The following PIBF1 variants were observed in gnomAD, a reference collection of about 807,000 sequenced individuals.
PIBF1 encodes the protein progesterone-induced-blocking factor 1.
PIBF1 carries 90 observed loss-of-function variants against 112.5 expected under a neutral mutation model. The ratio of observed to expected loss-of-function variants is 0.80; its 90% confidence interval spans 0.67 to 0.95. PIBF1 has a LOEUF of 0.95. Ranked by LOEUF, PIBF1 falls within the 40% of genes least tolerant of loss-of-function variation. The pLI, the probability that PIBF1 is intolerant of heterozygous loss-of-function variation, is 0.00. For missense variants in PIBF1, 915 were observed against 852.3 expected (o/e 1.07, Z -0.92); for synonymous variants, 301 against 288.6 (o/e 1.04, Z -0.44).
chr13:72,916,042 A>G (rs548648675), intron 12 of PIBF1, among the ~76,000 whole-genome samples: 1 of 152,272 alleles, frequency 6.6e-6, no homozygotes, highest in East Asian at 1.9e-4. Context: ...TATTAAAACT[A>G]TAGCCTTTGA....
chr13:73,005,957 T>C (rs909485175), intron 17 of PIBF1, among the ~76,000 whole-genome samples: 1 of 150,806 alleles, frequency 6.6e-6, no homozygotes, highest in African/African-American at 2.4e-5. Context: ...TCTTGCTCTG[T>C]CGCCCAGGCT....
intron 10 of PIBF1, among the ~76,000 whole-genome samples, chr13:72,867,645 T>C (rs964289068): frequency 8.5e-5 from 13 of 152,180 alleles, no homozygotes; most frequent in Admixed American, 7.9e-4. Context: ...ATATTCTAAT[T>C]GTTAGCAACT....
rs749279831 is a variant in PIBF1 at position 72,965,344 on chromosome 13, A to G, written c.1904A>G (p.Gln635Arg). The G allele has an allele frequency of 1.9e-6, 3 of 1,610,886 alleles. No homozygotes were observed. Among genetic ancestry groups the G allele is most frequent in the South Asian group, 1.1e-5 (1 of 90,888 alleles). ...PYRYLIESVR[Q>R]RDSKIDSLTE... The stretch of plus-strand genomic sequence containing the variant: ...AGGTATCTCATTGAATCAGTGCGTC[A>G]GAGAGATTCTAAGATTGATTCACTG... Residue 635 changes from glutamine to arginine, a missense_variant, in exon 15 of 18, where the codon CAG becomes CGG. Transcript: ENST00000326291.
At chr13:72,822,010 AGTT>A in intron 6 of PIBF1, 28 bp downstream of exon 6, 1 of 1,576,024 alleles carries the variant, frequency 6.3e-7, no homozygotes, top group Non-Finnish European at 8.6e-7. Context: ...CTGCAGTAGT[AGTT>A]CTCTATTTTT....
rs1230565422 is a variant in PIBF1 at position 72,954,188 on chromosome 13, TC to T, written c.1834-11083del. Among the ~76,000 whole-genome samples the T allele has an allele frequency of 5.3e-5, 8 of 152,186 alleles. No individual in the cohort carries two copies. In the East Asian group the frequency reaches 1.6e-3, roughly 30 times the overall value. On this transcript the variant is annotated intron_variant, in intron 14 of 17. Transcript: ENST00000326291. ...GCTCCCATGCACTTGGCACAGCAAGTCCCATACCCTCAGTATTCTGCTAACA... is the reference window on the plus strand; with the variant it reads ...GCTCCCATGCACTTGGCACAGCAAGTCCATACCCTCAGTATTCTGCTAACA...
At chr13:72,874,537 A>C (rs2039313386) in intron 10 of PIBF1, among the ~76,000 whole-genome samples, 1 of 152,236 alleles carries the variant, frequency 6.6e-6, no homozygotes, top group Admixed American at 6.5e-5. Flanking sequence ...AAAACTAATG[A>C]CACAAATCCA....
intron 16 of PIBF1, among the ~76,000 whole-genome samples, chr13:72,996,073 C>CA (rs1303404430): frequency 1.6e-3 from 45 of 27,390 alleles, no homozygotes; most frequent in African/African-American, 3.8e-3. Flanking sequence ...TTCTTCATAA[C>CA]AAAAAAAAAA....
Position 72,828,285 on chromosome 13 carries a change from T to C in PIBF1, c.1097+371T>C, listed in dbSNP as rs573320845. ...ATGTTTGCTTTTTTTTTTTTTTTTT[T>C]ATAAATTATACTTTACGTTCTGGGG... On this transcript the variant is annotated intron_variant, in intron 8 of 17. Transcript: ENST00000326291. 6.8e-4 allele frequency among the ~76,000 whole-genome samples: 103 copies of C among 151,460 alleles called. 1 individual carries two copies. Among genetic ancestry groups the C allele is most frequent in the African/African-American group, 2.5e-3 (103 of 41,334 alleles).
At chr13:72,814,677 C>A (rs867270821) in intron 5 of PIBF1, among the ~76,000 whole-genome samples, 2 of 151,576 alleles carry the variant, frequency 1.3e-5, no homozygotes, top group African/African-American at 4.8e-5. Flanking sequence ...TATCAAAATT[C>A]TTAGACACAT....
In PIBF1 at chr13:72,835,370, TA is replaced by T. The variant is rs200683940; in HGVS notation, c.1223+15del. The T allele has an allele frequency of 0.11, 134,640 of 1,193,498 alleles. 40 individuals carry two copies. Among genetic ancestry groups the T allele is most frequent in the South Asian group, 0.13 (8,274 of 62,860 alleles). 73.9% of individuals were successfully genotyped at this position (1,193,498 alleles called of 1,614,324 possible). ...GGAAATGTATGAACGAGAAAACAGG[TA>T]AAAAAAAAAAAATGCTTGTATGGTA... On this transcript the variant is annotated splice_donor_region_variant and intron_variant, in intron 9 of 17. Coordinates refer to ENST00000326291, the MANE Select transcript of PIBF1 (RefSeq NM_006346.4).
At position 72,821,964 on chromosome 13, in the gene PIBF1, AC is replaced by A; in HGVS notation, c.789del (p.Tyr264MetfsTer15). 6.2e-7 allele frequency: 1 copy of A among 1,611,872 alleles called. No individual in the cohort carries two copies. The highest frequency in any genetic ancestry group is 8.5e-7 in the Non-Finnish European group (1 of 1,178,964). On this transcript the variant is annotated frameshift_variant, in exon 6 of 18. Transcript: ENST00000326291. LOFTEE classifies it high-confidence loss of function. ...CAGCAAGGTGACTACCGTCAAGAGA[AC>A]TATGATAAAGTCAAGAGGTAAGTAG... ...LIQQGDYRQE[N>X]YDKVKSERDA...
intron 10 of PIBF1, among the ~76,000 whole-genome samples, chr13:72,866,215 C>T (rs985466529): frequency 6.6e-6 from 1 of 152,182 alleles, no homozygotes; most frequent in Non-Finnish European, 1.5e-5. Context: ...GGTCTCTCAT[C>T]TCAAGATGCT....
rs191589717 is a variant in PIBF1 at position 72,963,929 on chromosome 13, A to G, written c.1834-1345A>G. ...ACTGTGGAACCGTTGCAGTTCCTCA[A>G]AAAGTTAAATATAGAATTACCATAT... is the stretch of plus-strand genomic sequence containing the variant. On this transcript the variant is annotated intron_variant, in intron 14 of 17. Coordinates refer to ENST00000326291, the MANE Select transcript of PIBF1 (RefSeq NM_006346.4). Among the ~76,000 whole-genome samples the G allele has an allele frequency of 3.9e-5, 6 of 152,294 alleles. No homozygotes were observed. In the South Asian group the frequency reaches 6.2e-4, roughly 16 times the overall value.
At chr13:72,841,896 C>T (rs1362752950) in intron 9 of PIBF1, among the ~76,000 whole-genome samples, 4 of 152,012 alleles carry the variant, frequency 2.6e-5, no homozygotes, top group Admixed American at 2.6e-4. Flanking sequence ...TACCTTGTGC[C>T]TATGTAGAAT....
intron 5 of PIBF1, among the ~76,000 whole-genome samples, chr13:72,805,927 G>C (rs982356600): frequency 1.3e-5 from 2 of 152,228 alleles, no homozygotes; most frequent in Non-Finnish European, 2.9e-5. Context: ...AAGGTCAACA[G>C]AGTGGTACAA....
At chr13:72,954,522 G>A (rs958866835) in intron 14 of PIBF1, among the ~76,000 whole-genome samples, 3 of 152,198 alleles carry the variant, frequency 2.0e-5, no homozygotes, top group Admixed American at 6.5e-5. Context: ...CTCCATCCCC[G>A]CTGGAATCTG....
chr13:72,931,923 T>TTTC (rs2041716781), intron 14 of PIBF1, among the ~76,000 whole-genome samples: 1 of 140,594 alleles, frequency 7.1e-6, no homozygotes, highest in African/African-American at 2.6e-5. Context: ...TTTCCGTTTT[T>TTTC]TTCTTTGTTT....
At chr13:72,999,215 A>C (rs2043779790) in intron 17 of PIBF1, among the ~76,000 whole-genome samples, 1 of 152,148 alleles carries the variant, frequency 6.6e-6, no homozygotes, top group African/African-American at 2.4e-5. Flanking sequence ...TAAAGTGTGA[A>C]ATCAATTAAC....
At chr13:72,962,991 G>A (rs1340651958) in intron 14 of PIBF1, among the ~76,000 whole-genome samples, 2 of 152,108 alleles carry the variant, frequency 1.3e-5, no homozygotes, top group Non-Finnish European at 2.9e-5. Flanking sequence ...TTGCCTATAT[G>A]GCCAGTCGTT....
Sources: gnomAD v4.1 joint callset for allele counts (sites outside exome capture counted in the v4.1 genomes callset) on GRCh38, gnomAD v4.1.1 for gene constraint, MANE v1.5 for transcripts, NCBI Gene and HGNC (gene_info 2026-07-23, HGNC 2026-07-21) for gene names.